HSPA12A: variants seen among roughly 807,000 people sequenced by gnomAD.
The protein encoded by HSPA12A is heat shock protein family A (Hsp70) member 12A, also known as heat shock 70 kDa protein 12A.
Under a neutral mutation model 69.2 loss-of-function variants are expected in HSPA12A, and 28 were observed. That is an observed-to-expected ratio of 0.40 (90% CI 0.30 to 0.55). HSPA12A has a LOEUF of 0.55. Ranked by LOEUF, HSPA12A falls within the 20% of genes least tolerant of loss-of-function variation. The probability of loss-of-function intolerance (pLI) is 0.38; values close to 1 mark genes in which losing one functional copy is unlikely to be tolerated. For missense variants in HSPA12A, 686 were observed against 900.7 expected (o/e 0.76, Z 3.05); for synonymous variants, 345 against 370.5 (o/e 0.93, Z 0.79).
intron 1 of HSPA12A, among the ~76,000 whole-genome samples, chr10:116,739,258 T>G (rs1851405004): frequency 6.6e-6 from 1 of 152,220 alleles, no homozygotes. Context: ...CTTTTTCCTC[T>G]GTGAAATGGG....
Position 116,679,812 on chromosome 10 carries a change from C to G in HSPA12A, c.1028-51G>C, listed in dbSNP as rs1450109110. 5 of 1,588,204 alleles carry G rather than the reference C, an allele frequency of 3.1e-6. No individual in the cohort carries two copies. In the Admixed American group the frequency reaches 8.7e-5, roughly 28 times the overall value. ...CATGGTGTTAAAAACCATTAGAAAC[C>G]CAATCCAGACTCTGAGAAACAGGCC... On this transcript the variant is annotated intron_variant, in intron 9 of 11. Transcript: ENST00000369209.
At chr10:116,719,501 T>TTTCCC (rs1850709564) in intron 1 of HSPA12A, among the ~76,000 whole-genome samples, 1 of 152,230 alleles carries the variant, frequency 6.6e-6, no homozygotes, top group Non-Finnish European at 1.5e-5. Flanking sequence ...CTGGTCATAA[T>TTTCCC]TTCCCTTCTC....
At position 116,764,676 on chromosome 10, in the gene HSPA12A, T is replaced by G. The variant is rs1246742986; in HGVS notation, c.92-57391A>C. On this transcript the variant is annotated intron_variant, in intron 2 of 12. Transcript: ENST00000635765. ...GTCTTTTTATAGTTTTTATATCTTT[T>G]TATACAGTTTTGACTTGGAGTGCTT... is the stretch of plus-strand genomic sequence containing the variant. Among the ~76,000 whole-genome samples, 3 of 152,318 alleles carry G rather than the reference T, an allele frequency of 2.0e-5. No homozygotes were observed. The East Asian group carries it at 5.8e-4, about 29-fold the overall frequency.
At chr10:116,830,148 C>T (rs1012047392) in intron 2 of HSPA12A, 2 of 152,204 alleles carry the variant, frequency 1.3e-5, no homozygotes, top group Non-Finnish European at 2.9e-5. Flanking sequence ...AGCCAGGCAT[C>T]CTCCTCCTCT....
At chr10:116,829,284 C>T (rs906957529) in intron 2 of HSPA12A, 4 of 152,908 alleles carry the variant, frequency 2.6e-5, no homozygotes, top group African/African-American at 9.6e-5. Flanking sequence ...CCTTCATCTT[C>T]CACCATGATT....
intron 2 of HSPA12A, 49 bp downstream of exon 2, chr10:116,707,151 G>GCA (rs1491417541): frequency 0.059 from 59,953 of 1,012,836 alleles, 3,313 homozygotes; most frequent in Non-Finnish European, 0.064. Context: ...GCACCCATGC[G>GCA]CGCACACACA....
chr10:116,698,585 G>A (rs782554972), intron 5 of HSPA12A, 50 bp downstream of exon 5: 14 of 1,449,686 alleles, frequency 9.7e-6, no homozygotes, highest in African/African-American at 2.8e-5. Flanking sequence ...GAGCTGGCAC[G>A]GGTGCCACCG....
At chr10:116,721,001 A>T (rs1850760009) in intron 1 of HSPA12A, among the ~76,000 whole-genome samples, 1 of 152,226 alleles carries the variant, frequency 6.6e-6, no homozygotes, top group African/African-American at 2.4e-5. Flanking sequence ...GCAGACTTCC[A>T]TGTCAGAAGA....
rs554631118 is a variant in HSPA12A, at chr10:116,739,890, C to T, written c.40+2540G>A. Among the ~76,000 whole-genome samples, 23 of 152,150 alleles carry T rather than the reference C, an allele frequency of 1.5e-4. No individual in the cohort carries two copies. The South Asian group carries it at 4.6e-3, about 30-fold the overall frequency. On this transcript the variant is annotated intron_variant, in intron 1 of 11. Coordinates refer to ENST00000369209, the MANE Select transcript of HSPA12A (RefSeq NM_025015.3). ...GCACCTCTGCCCACTCCCCACCCCA[C>T]CCCAACTGCACTTGTTGGAGAAGAT... is the stretch of plus-strand genomic sequence containing the variant.
rs79444472 is a variant in HSPA12A at position 116,780,029 on chromosome 10, G to A, written c.91+54906C>T. Among the ~76,000 whole-genome samples the A allele has an allele frequency of 1.1e-4, 17 of 152,250 alleles. No individual in the cohort carries two copies. The East Asian group carries it at 1.9e-3, about 17-fold the overall frequency. On this transcript the variant is annotated intron_variant, in intron 2 of 12. Coordinates refer to the HSPA12A transcript ENST00000635765. ...CCACGAGTCAGAGACCACTAATTCC[G>A]CCAGAGCAAGCTGTTTGGGCACTGC...
intron 2 of HSPA12A, among the ~76,000 whole-genome samples, chr10:116,706,068 G>A (rs190090419): frequency 2.0e-5 from 3 of 151,648 alleles, no homozygotes; most frequent in Admixed American, 2.0e-4. Context: ...CTAATTTCTT[G>A]TATTTTTTAG....
At chr10:116,717,758 T>C (rs1245975666) in intron 1 of HSPA12A, among the ~76,000 whole-genome samples, 1 of 152,236 alleles carries the variant, frequency 6.6e-6, no homozygotes, top group Non-Finnish European at 1.5e-5. Flanking sequence ...GCCCCCACCT[T>C]TGCATAATGT....
At chr10:116,676,246 T>A (rs1423306190) in intron 11 of HSPA12A, among the ~76,000 whole-genome samples, 153 bp downstream of exon 11, 1 of 152,344 alleles carries the variant, frequency 6.6e-6, no homozygotes, top group Admixed American at 6.5e-5. Flanking sequence ...CTCCCATACA[T>A]GCCCAAGCCC....
At position 116,787,975 on chromosome 10, in the gene HSPA12A, G is replaced by T. The variant is rs1353212482; in HGVS notation, c.91+46960C>A. ...GGACAGTGACTTGGCCTGAGGGTCG[G>T]GGATAGGAGGGCTTCCAGGACGGCA... On this transcript the variant is annotated intron_variant, in intron 2 of 12. Coordinates refer to the HSPA12A transcript ENST00000635765. Among the ~76,000 whole-genome samples, 3 of 152,150 alleles carry T rather than the reference G, an allele frequency of 2.0e-5. No homozygotes were observed. The South Asian group carries it at 6.2e-4, about 32-fold the overall frequency.
intron 2 of HSPA12A, among the ~76,000 whole-genome samples, chr10:116,706,117 G>A (rs960227910): frequency 4.0e-5 from 6 of 151,570 alleles, no homozygotes; most frequent in South Asian, 4.2e-4. Flanking sequence ...GGATGGTCTC[G>A]ATCTCCTGAC....
intron 2 of HSPA12A, among the ~76,000 whole-genome samples, chr10:116,778,858 C>T (rs1310740198): frequency 6.6e-6 from 1 of 152,142 alleles, no homozygotes; most frequent in Admixed American, 6.5e-5. Flanking sequence ...TCGCTAGAGC[C>T]CAGGACGCTG....
At chr10:116,839,371 T>C (rs543501301) in intron 1 of HSPA12A, among the ~76,000 whole-genome samples, 6 of 152,258 alleles carry the variant, frequency 3.9e-5, no homozygotes, top group African/African-American at 1.2e-4. Context: ...TTTCCTACAA[T>C]TTTCTTAGAA....
At chr10:116,778,599 T>G (rs1242682331) in intron 2 of HSPA12A, among the ~76,000 whole-genome samples, 2 of 152,156 alleles carry the variant, frequency 1.3e-5, no homozygotes, top group African/African-American at 4.8e-5. Context: ...AACCCAAGCC[T>G]GGCTTCATCA....
At chr10:116,849,685 T>A in exon 1 of HSPA12A, 1 of 1,548,468 alleles carries the variant, frequency 6.5e-7, no homozygotes, top group Non-Finnish European at 8.7e-7. Flanking sequence ...GAAGAGCTGC[T>A]CAACTCCACC....
Sources: gnomAD v4.1 joint callset for allele counts (sites outside exome capture counted in the v4.1 genomes callset) on GRCh38, gnomAD v4.1.1 for gene constraint, MANE v1.5 for transcripts, NCBI Gene and HGNC (gene_info 2026-07-23, HGNC 2026-07-21) for gene names.